SEPTIN4: variants seen among roughly 807,000 people sequenced by gnomAD.
SEPTIN4 encodes septin 4.
A neutral mutation model predicts 107.1 loss-of-function variants in SEPTIN4; 52 were observed. The ratio of observed to expected loss-of-function variants is 0.49; its 90% CI spans 0.39 to 0.61. The LOEUF is 0.61. SEPTIN4 is among the 20% of genes least tolerant of loss of function. SEPTIN4 has a pLI of 0.00. For missense variants in SEPTIN4, 1,048 were observed against 1,243.5 expected (o/e 0.84, Z 2.36); for synonymous variants, 417 against 467.0 (o/e 0.89, Z 1.38).
rs1353636751 is a variant in SEPTIN4 at position 58,543,334 on chromosome 17, G to A, written c.853C>T (p.His285Tyr). 1.2e-6 allele frequency: 2 copies of A among 1,614,200 alleles called. No homozygotes were observed. Among genetic ancestry groups the A allele is most frequent in the East Asian group, 4.5e-5 (2 of 44,886 alleles). Residue 285 changes from histidine (H) to tyrosine (Y), a missense_variant, in exon 1 of 14, where the codon CAC becomes TAC. Coordinates refer to ENST00000672673, the MANE Select transcript of SEPTIN4 (RefSeq NM_001368771.2). The part of the protein sequence containing the change: ...LSVLKDSDGV[H>Y]RVSARVDPES... ...GGGTCTACCCGTGCAGAAACTCGGT[G>A]TACACCATCAGAATCTTTAAGGACA...
chr17:58,530,081 G>C (rs2043332193), intron 3 of SEPTIN4: 1 of 152,250 alleles, frequency 6.6e-6, no homozygotes, highest in Admixed American at 6.5e-5. Context: ...ATTTAGGTGG[G>C]AGATAAATTA....
chr17:58,543,328 C>T lies in SEPTIN4; in HGVS notation c.859G>A (p.Val287Ile). ...VLKDSDGVHR[V>I]SARVDPESLH... is the part of the protein sequence containing the mutation. Reference sequence around the variant, plus strand: ...GACTCAGGGTCTACCCGTGCAGAAACTCGGTGTACACCATCAGAATCTTTA... The same window carrying T: ...GACTCAGGGTCTACCCGTGCAGAAATTCGGTGTACACCATCAGAATCTTTA... The change falls in exon 1 of 14, where the codon GTT becomes ATT. Residue 287 changes from valine to isoleucine, a missense_variant. Val to Ile is a conservative substitution (Grantham distance 29). Coordinates refer to ENST00000672673, the MANE Select transcript of SEPTIN4 (RefSeq NM_001368771.2). The T allele has an allele frequency of 1.2e-6, 2 of 1,614,204 alleles. No individual in the cohort carries two copies. Among genetic ancestry groups the T allele is most frequent in the Non-Finnish European group, 1.7e-6 (2 of 1,180,038 alleles).
chr17:58,541,842 G>T, intron 2 of SEPTIN4, 80 bp downstream of exon 2: 1 of 1,614,086 alleles, frequency 6.2e-7, no homozygotes, highest in Non-Finnish European at 8.5e-7. Context: ...CAGCTCTGTA[G>T]ATACATAGAT....
chr17:58,540,648 TC>T lies in SEPTIN4; in HGVS notation c.1614+17del. The T allele has an allele frequency of 1.5e-6, 2 of 1,357,530 alleles. No individual in the cohort carries two copies. The highest frequency in any genetic ancestry group is 1.9e-5 in the South Asian group (1 of 53,134). 84.1% of individuals were successfully genotyped at this position (1,357,530 alleles called of 1,614,324 possible). A position where few individuals can be genotyped will look rare whatever the true frequency, so the allele number is the denominator to read the frequency against. ...GGGCCCAGGAAGACTGGGAGTAACC[TC>T]CCAGGGGCATTCTTACCTCCTCATC... is the stretch of plus-strand genomic sequence containing the variant. On this transcript the variant is annotated intron_variant, in intron 3 of 13. Coordinates refer to ENST00000672673, the MANE Select transcript of SEPTIN4 (RefSeq NM_001368771.2).
intron 3 of SEPTIN4, chr17:58,527,739 C>G (rs1464586894): frequency 1.3e-5 from 9 of 685,984 alleles, no homozygotes; most frequent in Non-Finnish European, 1.6e-5. Flanking sequence ...GATGGAAGAG[C>G]CTGGGAAAGG....
intron 3 of SEPTIN4, among the ~76,000 whole-genome samples, chr17:58,534,516 A>T (rs1047970617): frequency 2.0e-5 from 3 of 152,194 alleles, no homozygotes; most frequent in South Asian, 2.1e-4. Context: ...CTGGGGATTT[A>T]CCGAGTGCTC....
intron 3 of SEPTIN4, chr17:58,527,510 T>C (rs921648853): frequency 5.1e-5 from 13 of 253,546 alleles, no homozygotes; most frequent in Non-Finnish European, 8.6e-5. Flanking sequence ...CTGTACCTCC[T>C]GTCACTACTG....
chr17:58,533,729 G>A (rs12939703), intron 3 of SEPTIN4, among the ~76,000 whole-genome samples: 1 of 152,014 alleles, frequency 6.6e-6, no homozygotes, highest in Admixed American at 6.5e-5. Context: ...GCAGTTGGAA[G>A]TCTGCAGAAG....
chr17:58,533,326 G>A (rs2043591508), intron 3 of SEPTIN4, among the ~76,000 whole-genome samples: 1 of 152,206 alleles, frequency 6.6e-6, no homozygotes, highest in African/African-American at 2.4e-5. Flanking sequence ...GTGGCCTTGA[G>A]CAACTTACTT....
Position 58,521,855 on chromosome 17 carries a change from T to A in SEPTIN4, c.2352-2A>T. The A allele has an allele frequency of 6.2e-7, 1 of 1,614,228 alleles. No homozygotes were observed. The highest frequency in any genetic ancestry group is 8.5e-7 in the Non-Finnish European group (1 of 1,180,042). ...AATTCAACATCCAATGGCCGGAGCC[T>A]GGGGAACAGGAACCTGTGACCACCT... On this transcript the variant is annotated splice_acceptor_variant, in intron 8 of 13. Transcript: ENST00000672673. LOFTEE classifies it high-confidence loss of function. This position sits in a 1 kb window ranked among gnomAD's most constrained non-coding sequence, Gnocchi z 6.4.
intron 3 of SEPTIN4, among the ~76,000 whole-genome samples, chr17:58,535,886 C>G (rs945631521): frequency 6.6e-6 from 1 of 152,172 alleles, no homozygotes; most frequent in Non-Finnish European, 1.5e-5. Context: ...GTTTTCCATT[C>G]TGATTTTAGA....
rs981652682 is a variant in SEPTIN4, at chr17:58,543,903, T to A, written c.284A>T (p.Glu95Val). 5.0e-6 allele frequency: 8 copies of A among 1,613,918 alleles called. No homozygotes were observed. The African/African-American group carries it at 6.7e-5, about 13-fold the overall frequency. The change falls in exon 1 of 14, where the codon GAA becomes GTA. Residue 95 changes from glutamate to valine, a missense_variant. Transcript: ENST00000672673. ...PRGPETGPRT[E>V]SSRHSSPHLK... Reference sequence around the variant, plus strand: ...ATGGGGAGAGGAATGGCGGGATGATTCTGTTCTTGGTCCAGTCTCGGGTCC... The same window carrying A: ...ATGGGGAGAGGAATGGCGGGATGATACTGTTCTTGGTCCAGTCTCGGGTCC...
intron 3 of SEPTIN4, among the ~76,000 whole-genome samples, chr17:58,537,590 G>C (rs1480405862): frequency 6.6e-6 from 1 of 152,082 alleles, no homozygotes; most frequent in African/African-American, 2.4e-5. Context: ...CCAGCACTTT[G>C]GGAGGCTGAG....
At chr17:58,529,500 C>A in intron 3 of SEPTIN4, 37 of 1,179,726 alleles carry the variant, frequency 3.1e-5, no homozygotes, top group Non-Finnish European at 3.8e-5. Context: ...GCTGCCTACC[C>A]TGGTGGGCAC....
chr17:58,520,865 A>G, intron 12 of SEPTIN4, 23 bp from the exon 13 acceptor site: 1 of 1,614,104 alleles, frequency 6.2e-7, no homozygotes, highest in Non-Finnish European at 8.5e-7. Flanking sequence ...AAGGGTTGAT[A>G]AGGCGAGGAG....
At chr17:58,527,998 G>T in intron 3 of SEPTIN4, 1 of 985,626 alleles carries the variant, frequency 1.0e-6, no homozygotes. Context: ...AGACCCTAAA[G>T]ATTCTCCTCT....
chr17:58,532,015 GCGGCGGAGCTGCGCGCCGAC>G, intron 3 of SEPTIN4: 1 of 1,135,006 alleles, frequency 8.8e-7, no homozygotes, highest in Non-Finnish European at 1.1e-6. Context: ...CGAGCGACCC[GCGGCGGAGCTGCGCGCCGAC>G]CTCGCAGCAC....
chr17:58,536,965 C>T (rs757705646), intron 3 of SEPTIN4, among the ~76,000 whole-genome samples: 1 of 152,220 alleles, frequency 6.6e-6, no homozygotes, highest in Non-Finnish European at 1.5e-5. Flanking sequence ...TCAAACAGCA[C>T]CAAACTACTC....
rs373053822 is a variant in SEPTIN4, at chr17:58,520,958, G to A, written c.2831+40C>T. 3.7e-6 allele frequency: 6 copies of A among 1,612,600 alleles called. No homozygotes were observed. In the African/African-American group the frequency reaches 5.3e-5, roughly 14 times the overall value. The stretch of plus-strand genomic sequence containing the variant: ...TGGTCTCACCCAAGGCTAGGCTTGG[G>A]ATCTCCCCCTGCCAGCTTTGTCCTG... On this transcript the variant is annotated intron_variant, in intron 12 of 13. Coordinates refer to ENST00000672673, the MANE Select transcript of SEPTIN4 (RefSeq NM_001368771.2).
Sources: allele counts gnomAD v4.1 joint callset (sites outside exome capture counted in the v4.1 genomes callset), GRCh38; gene constraint gnomAD v4.1.1; non-coding constraint Gnocchi (gnomAD v3.1); transcripts MANE v1.5; gene names NCBI Gene and HGNC (gene_info 2026-07-23, HGNC 2026-07-21).